The following CDC25A variants were observed in gnomAD, a reference collection of about 807,000 sequenced individuals.
CDC25A encodes the protein cell division cycle 25A, also known as M-phase inducer phosphatase 1.
CDC25A carries 17 observed loss-of-function variants against 64.6 expected under a neutral mutation model. The observed-to-expected ratio is 0.26, with a 90% confidence interval of 0.18 to 0.39. The LOEUF is 0.39. CDC25A is among the 10% of genes least tolerant of loss of function. The pLI is 1.00. For synonymous variants in CDC25A, 229 were observed against 238.6 expected, an observed-to-expected ratio of 0.96 and a Z score of 0.37; for missense variants, 473 against 654.8, an observed-to-expected ratio of 0.72 and a Z score of 3.03.
At chr3:48,165,951 A>T in intron 10 of CDC25A, 58 bp from the exon 11 acceptor site, 1 of 1,179,434 alleles carries the variant, frequency 8.5e-7, no homozygotes, top group South Asian at 1.3e-5. Context: ...ATTCACACTT[A>T]TACTGTTTTG....
At chr3:48,183,604 C>A (rs142782242) in intron 4 of CDC25A, among the ~76,000 whole-genome samples, 196 bp downstream of exon 4, 2 of 152,248 alleles carry the variant, frequency 1.3e-5, no homozygotes, top group African/African-American at 4.8e-5. Flanking sequence ...TCACTTGAGC[C>A]AGGGAAGCAG....
At chr3:48,176,538 TATATATATATATATATATATAAA>T (rs1304550033) in intron 8 of CDC25A, among the ~76,000 whole-genome samples, 1 of 144,196 alleles carries the variant, frequency 6.9e-6, no homozygotes, top group Non-Finnish European at 1.5e-5. Flanking sequence ...TGAGTATATA[TATATATATATATATATATATAAA>T]ATATATATTA....
At position 48,158,727 on chromosome 3, in the gene CDC25A, T is replaced by C. The variant is rs913519771; in HGVS notation, c.*218A>G. 5.4e-6 allele frequency: 3 copies of C among 553,892 alleles called. No homozygotes were observed. The highest frequency in any genetic ancestry group is 9.7e-6 in the Non-Finnish European group (3 of 309,872). The allele number at this position is 553,892 out of a possible 1,614,324, so 34.3% of individuals were successfully genotyped here. ...ACTGCATTGTGGCACAGTTCTGATA[T>C]GGACGGAGGACGTCTAACAGGGACA... On this transcript the variant is annotated 3_prime_UTR_variant, in exon 15 of 15. Coordinates refer to ENST00000302506, the MANE Select transcript of CDC25A (RefSeq NM_001789.3).
chr3:48,176,531 G>GTATATATATATATATATATATATATATA (rs55938075), intron 8 of CDC25A, among the ~76,000 whole-genome samples: 1 of 138,122 alleles, frequency 7.2e-6, no homozygotes, highest in African/African-American at 2.7e-5. Flanking sequence ...GTGTGTGTGA[G>GTATATATATATATATATATATATATATA]TATATATATA....
chr3:48,172,298 G>T (rs374824802), intron 9 of CDC25A, among the ~76,000 whole-genome samples: 1 of 152,194 alleles, frequency 6.6e-6, no homozygotes, highest in Non-Finnish European at 1.5e-5. Context: ...AAGCAGATAC[G>T]ATAAGGCAGT....
intron 2 of CDC25A, among the ~76,000 whole-genome samples, chr3:48,185,084 C>G (rs1020342407): frequency 6.6e-6 from 1 of 152,042 alleles, no homozygotes. Context: ...AGTTTTTAAA[C>G]GTTTTACCTT....
intron 3 of CDC25A, among the ~76,000 whole-genome samples, chr3:48,184,039 A>C (rs2032761052): frequency 6.6e-6 from 1 of 151,888 alleles, no homozygotes; most frequent in Non-Finnish European, 1.5e-5. Context: ...AAAAAAACAA[A>C]CCCATGTCTT....
At chr3:48,165,107 C>CAAAAAAAAAAAAAAAAAAA (rs11370901) in intron 12 of CDC25A, among the ~76,000 whole-genome samples, 5 of 84,958 alleles carry the variant, frequency 5.9e-5, no homozygotes, top group African/African-American at 2.2e-4. Flanking sequence ...GACTCTGTCT[C>CAAAAAAAAAAAAAAAAAAA]AAAAAAAAAA....
At chr3:48,168,367 C>G (rs1428130528) in intron 9 of CDC25A, among the ~76,000 whole-genome samples, 2 of 134,796 alleles carry the variant, frequency 1.5e-5, no homozygotes, top group Non-Finnish European at 3.1e-5. Context: ...TGTCCACACA[C>G]ACACACACAC....
rs2031597357 is a variant in CDC25A at position 48,158,159 on chromosome 3, CAAAT to C, written c.*782_*785del. The C allele has an allele frequency of 6.6e-6, 1 of 152,620 alleles. No homozygotes were observed. Among genetic ancestry groups the C allele is most frequent in the Non-Finnish European group, 1.5e-5 (1 of 68,056 alleles). 9.5% of individuals were successfully genotyped at this position (152,620 alleles called of 1,614,324 possible). A position where few individuals can be genotyped will look rare whatever the true frequency, so the allele number is the denominator to read the frequency against. On this transcript the variant is annotated 3_prime_UTR_variant, in exon 15 of 15. Transcript: ENST00000302506. ...GGAAGAACAGGGCCACACCTCCCAC[CAAAT>C]AGATATCGGTAGCCAGTGGTGGGTC... is the stretch of plus-strand genomic sequence containing the variant.
At chr3:48,179,108 T>A (rs2032570820) in intron 6 of CDC25A, among the ~76,000 whole-genome samples, 1 of 152,176 alleles carries the variant, frequency 6.6e-6, no homozygotes, top group South Asian at 2.1e-4. Context: ...TAGCTTTGCT[T>A]CACAATATAA....
intron 8 of CDC25A, among the ~76,000 whole-genome samples, chr3:48,175,023 T>C (rs2032404503): frequency 6.6e-6 from 1 of 152,180 alleles, no homozygotes; most frequent in South Asian, 2.1e-4. Flanking sequence ...AAAGACTAAT[T>C]TCCCAGGCTG....
At chr3:48,180,696 C>A in intron 6 of CDC25A, 25 bp downstream of exon 6, 2 of 1,609,998 alleles carry the variant, frequency 1.2e-6, no homozygotes, top group Non-Finnish European at 1.7e-6. Flanking sequence ...GTCAGGAATT[C>A]CCCTATGAAA....
chr3:48,182,510 C>G (rs1010592267), intron 5 of CDC25A, among the ~76,000 whole-genome samples: 1 of 152,128 alleles, frequency 6.6e-6, no homozygotes, highest in Admixed American at 6.6e-5. Flanking sequence ...TGCCAAAGAG[C>G]CTTTTCCTAA....
chr3:48,175,082 G>T (rs1467014270), intron 8 of CDC25A, among the ~76,000 whole-genome samples: 1 of 152,060 alleles, frequency 6.6e-6, no homozygotes, highest in African/African-American at 2.4e-5. Flanking sequence ...ATCACTTGAG[G>T]TCACAAGTTC....
rs2031592425 is a variant in CDC25A, at chr3:48,158,065, A to G, written c.*880T>C. On this transcript the variant is annotated 3_prime_UTR_variant, in exon 15 of 15. Coordinates refer to ENST00000302506, the MANE Select transcript of CDC25A (RefSeq NM_001789.3). Reference sequence around the variant, plus strand: ...CCAGCACTGAGCCGGGGGTGGCCCAACAGATGCTGCCTCAAGTGCTTTCCT... The same window carrying G: ...CCAGCACTGAGCCGGGGGTGGCCCAGCAGATGCTGCCTCAAGTGCTTTCCT... 6.6e-6 allele frequency: 1 copy of G among 152,350 alleles called. No homozygotes were observed. Among genetic ancestry groups the G allele is most frequent in the Non-Finnish European group, 1.5e-5 (1 of 68,008 alleles). The allele number at this position is 152,350 out of a possible 1,614,324, so 9.4% of individuals were successfully genotyped here. A position where few individuals can be genotyped will look rare whatever the true frequency, so the allele number is the denominator to read the frequency against.
intron 9 of CDC25A, among the ~76,000 whole-genome samples, chr3:48,168,998 A>G (rs974000271): frequency 7.2e-5 from 11 of 152,174 alleles, no homozygotes; most frequent in African/African-American, 2.7e-4. Flanking sequence ...GCTGTTAAAA[A>G]GGGGATAATT....
intron 10 of CDC25A, 70 bp from the exon 11 acceptor site, chr3:48,165,963 C>G: frequency 9.1e-7 from 1 of 1,095,026 alleles, no homozygotes; most frequent in Non-Finnish European, 1.4e-6. Flanking sequence ...ACTGTTTTGT[C>G]TGGCTGGTAG....
intron 10 of CDC25A, among the ~76,000 whole-genome samples, chr3:48,166,880 A>G (rs765842481): frequency 3.9e-4 from 60 of 152,242 alleles, no homozygotes; most frequent in Admixed American, 3.9e-4. Flanking sequence ...TAGCCACTGC[A>G]CTACAGCCTG....
Sources: allele counts gnomAD v4.1 joint callset (sites outside exome capture counted in the v4.1 genomes callset), GRCh38; gene constraint gnomAD v4.1.1; transcripts MANE v1.5; gene names NCBI Gene and HGNC (gene_info 2026-07-23, HGNC 2026-07-21).